The following HPSE2 variants were observed in gnomAD, a reference collection of about 807,000 sequenced individuals.
HPSE2 encodes the protein inactive heparanase-2.
HPSE2 carries 38 observed loss-of-function variants against 60.5 expected under a neutral mutation model. The observed-to-expected ratio is 0.63, with a 90% CI of 0.48 to 0.82. HPSE2 has a LOEUF of 0.82. HPSE2 is among the 40% of genes least tolerant of loss of function. HPSE2 has a pLI of 0.00. For missense variants in HPSE2, 713 were observed against 740.4 expected (o/e 0.96, Z 0.43); for synonymous variants, 295 against 293.2 (o/e 1.01, Z -0.06).
At chr10:98,817,225 A>G (rs557902017) in intron 3 of HPSE2, among the ~76,000 whole-genome samples, 2 of 152,198 alleles carry the variant, frequency 1.3e-5, no homozygotes, top group Non-Finnish European at 2.9e-5. Flanking sequence ...TATTCTTATT[A>G]TAAGTTTCGG....
intron 3 of HPSE2, among the ~76,000 whole-genome samples, chr10:98,817,004 CCTT>C (rs1272503939): frequency 2.6e-5 from 4 of 152,102 alleles, no homozygotes; most frequent in African/African-American, 9.7e-5. Context: ...CTTGTGCTCT[CCTT>C]CTCTGCTTCC....
chr10:99,003,946 C>T (rs1956834221), intron 3 of HPSE2, among the ~76,000 whole-genome samples: 1 of 151,894 alleles, frequency 6.6e-6, no homozygotes, highest in African/African-American at 2.4e-5. Flanking sequence ...GTCTTTTATC[C>T]ATTTTGGGTT....
chr10:98,801,818 T>G (rs1238810317), intron 3 of HPSE2, among the ~76,000 whole-genome samples: 1 of 152,132 alleles, frequency 6.6e-6, no homozygotes, highest in Non-Finnish European at 1.5e-5. Flanking sequence ...CCAATGACAT[T>G]CTTCCTAGAA....
At chr10:99,293,937 T>C in the HPSE2 span, among the ~76,000 whole-genome samples, 284 of 152,266 alleles carry the variant, frequency 1.9e-3, no homozygotes, top group African/African-American at 6.4e-3. Flanking sequence ...CTTGTCCAAA[T>C]GCCTGGACAA....
chr10:98,650,301 A>G (rs1414196684), intron 6 of HPSE2, among the ~76,000 whole-genome samples: 2 of 152,224 alleles, frequency 1.3e-5, no homozygotes, highest in African/African-American at 4.8e-5. Context: ...TCAGCATTGG[A>G]CTGTCACGTT....
chr10:98,459,750 GAA>G lies in HPSE2; in HGVS notation c.1614-13_1614-12del, dbSNP rs1435576094. The G allele has an allele frequency of 8.7e-6, 14 of 1,610,906 alleles. No individual in the cohort carries two copies. The highest frequency in any genetic ancestry group is 1.7e-5 in the Admixed American group (1 of 59,532). ...TTCAGTTGCACTGACCTACAGTGAG[GAA>G]AAACAGTATGGGACTCATTATTGCA... On this transcript the variant is annotated splice_polypyrimidine_tract_variant and intron_variant, in intron 11 of 11. Coordinates refer to ENST00000370552, the MANE Select transcript of HPSE2 (RefSeq NM_021828.5).
At chr10:98,614,324 G>C (rs1354368349) in intron 9 of HPSE2, among the ~76,000 whole-genome samples, 2 of 145,444 alleles carry the variant, frequency 1.4e-5, no homozygotes, top group Non-Finnish European at 3.0e-5. Context: ...ACGGAGTCTC[G>C]CTCAGTCGCC....
At chr10:99,021,499 A>C (rs1957261689) in intron 3 of HPSE2, among the ~76,000 whole-genome samples, 1 of 152,194 alleles carries the variant, frequency 6.6e-6, no homozygotes, top group Non-Finnish European at 1.5e-5. Flanking sequence ...TTGATGGTTT[A>C]GGCAAGACAA....
chr10:98,989,505 G>T (rs1340855958), intron 3 of HPSE2, among the ~76,000 whole-genome samples: 1 of 145,544 alleles, frequency 6.9e-6, no homozygotes, highest in African/African-American at 2.5e-5. Context: ...GTGGGGTGGG[G>T]GGAGGGGGGA....
At chr10:99,167,124 T>C (rs1037114676) in intron 2 of HPSE2, among the ~76,000 whole-genome samples, 10 of 152,004 alleles carry the variant, frequency 6.6e-5, no homozygotes, top group African/African-American at 2.2e-4. Context: ...AATTCTCCTG[T>C]CTCAGCCTCC....
chr10:98,745,357 A>C (rs981160864), intron 3 of HPSE2, among the ~76,000 whole-genome samples: 7 of 152,106 alleles, frequency 4.6e-5, no homozygotes, highest in Non-Finnish European at 8.8e-5. Context: ...TGGATAACTT[A>C]CTATAATCTC....
intron 3 of HPSE2, among the ~76,000 whole-genome samples, chr10:98,749,947 T>TATATATATATATACAC: frequency 0.015 from 1,525 of 98,434 alleles, 31 homozygotes; most frequent in Admixed American, 0.025. Flanking sequence ...TATATATATA[T>TATATATATATATACAC]ACACACACAC....
chr10:98,539,500 G>A lies in HPSE2; in HGVS notation c.1321-49304C>T, dbSNP rs147123270. Among the ~76,000 whole-genome samples the A allele has an allele frequency of 8.2e-3, 1,249 of 152,218 alleles. 14 individuals carry two copies. Among genetic ancestry groups the A allele is most frequent in the African/African-American group, 0.029 (1,192 of 41,520 alleles). On this transcript the variant is annotated intron_variant, in intron 9 of 11. Coordinates refer to ENST00000370552, the MANE Select transcript of HPSE2 (RefSeq NM_021828.5). ...CACGCCATTGCACTCCAGGCTGGGC[G>A]ACAGAGCGAGACTCTGTCTCAAACA...
Position 99,213,489 on chromosome 10 carries a change from A to G in HPSE2, c.448+18859T>C, listed in dbSNP as rs147731734. 1.5e-3 allele frequency among the ~76,000 whole-genome samples: 236 copies of G among 152,278 alleles called. 3 individuals carry two copies. The highest frequency in any genetic ancestry group is 5.5e-3 in the African/African-American group (227 of 41,554). On this transcript the variant is annotated intron_variant, in intron 2 of 11. Transcript: ENST00000370552. ...CATTGAGCATTTGGCAAAAAAAACA[A>G]AAAACACCATTTTCTTTGAGACACC...
chr10:98,725,416 TG>T (rs984855611), intron 4 of HPSE2, among the ~76,000 whole-genome samples: 4 of 152,196 alleles, frequency 2.6e-5, no homozygotes, highest in African/African-American at 9.7e-5. Context: ...TAAATGGTGC[TG>T]GGAAAACTGG....
chr10:98,856,294 G>C (rs1275036783), intron 3 of HPSE2, among the ~76,000 whole-genome samples: 1 of 152,128 alleles, frequency 6.6e-6, no homozygotes, highest in Admixed American at 6.5e-5. Context: ...CCATCAGATA[G>C]GGATTTAAAA....
upstream of HPSE2, among the ~76,000 whole-genome samples, chr10:99,236,835 AACT>A (rs1849870065): frequency 6.6e-6 from 1 of 152,062 alleles, no homozygotes; most frequent in Non-Finnish European, 1.5e-5. Flanking sequence ...CTCTGCGTCC[AACT>A]GTGCCACTTC....
intron 9 of HPSE2, among the ~76,000 whole-genome samples, chr10:98,563,418 G>C (rs375506544): frequency 1.5e-4 from 23 of 152,152 alleles, no homozygotes; most frequent in African/African-American, 4.6e-4. Context: ...GGAGGGTTGG[G>C]GGCGTACCGG....
chr10:99,002,671 G>C (rs937360971), intron 3 of HPSE2, among the ~76,000 whole-genome samples: 7 of 151,952 alleles, frequency 4.6e-5, no homozygotes, highest in African/African-American at 1.7e-4. Flanking sequence ...ATGAGATCCT[G>C]AACAGAAAAT....
Sources: gnomAD v4.1 joint callset for allele counts (sites outside exome capture counted in the v4.1 genomes callset) on GRCh38, gnomAD v4.1.1 for gene constraint, MANE v1.5 for transcripts, NCBI Gene and HGNC (gene_info 2026-07-23, HGNC 2026-07-21) for gene names.